Variants in SGIP1 observed in about 807,000 individuals in gnomAD.
SGIP1 encodes the protein SH3GL interacting endocytic adaptor 1.
In SGIP1, 38 loss-of-function variants were observed where a neutral mutation model predicts 107.5. The observed-to-expected ratio is 0.35, with a 90% CI of 0.27 to 0.46. The LOEUF (loss-of-function observed/expected upper bound fraction) is 0.46, where lower values mean the gene tolerates loss of function less well. SGIP1 is among the 20% of genes least tolerant of loss of function. The pLI is 1.00. For missense variants in SGIP1, 929 were observed against 1,019.5 expected (o/e 0.91, Z 1.21); for synonymous variants, 365 against 366.1 (o/e 1.00, Z 0.03).
chr1:66,689,356 T>G (rs1371834377), intron 16 of SGIP1, 81 bp downstream of exon 16: 1 of 1,512,666 alleles, frequency 6.6e-7, no homozygotes, highest in East Asian at 2.3e-5. Flanking sequence ...GGTCTAAGCG[T>G]TTAGAGAACT....
intron 1 of SGIP1, among the ~76,000 whole-genome samples, chr1:66,565,377 A>G (rs2059503910): frequency 6.6e-6 from 1 of 151,818 alleles, no homozygotes. Flanking sequence ...TACTCTTGGG[A>G]TGTCTTTACA....
chr1:66,536,966 G>A (rs1036291250), intron 1 of SGIP1, among the ~76,000 whole-genome samples: 1 of 152,162 alleles, frequency 6.6e-6, no homozygotes, highest in Non-Finnish European at 1.5e-5. Context: ...TCAGCAGAAT[G>A]GGTCATAGTA....
intron 8 of SGIP1, among the ~76,000 whole-genome samples, chr1:66,662,192 G>C (rs769700143): frequency 1.1e-4 from 16 of 152,160 alleles, no homozygotes; most frequent in Admixed American, 5.9e-4. Flanking sequence ...AATAAATGTA[G>C]TGATCATATA....
At chr1:66,714,049 C>A (rs2093082869) in intron 18 of SGIP1, among the ~76,000 whole-genome samples, 1 of 152,244 alleles carries the variant, frequency 6.6e-6, no homozygotes, top group East Asian at 1.9e-4. Flanking sequence ...TCTAATTCAA[C>A]AACCTCAGTA....
At chr1:66,685,919 T>C (rs2088099235) in intron 15 of SGIP1, among the ~76,000 whole-genome samples, 3 of 152,206 alleles carry the variant, frequency 2.0e-5, no homozygotes, top group Admixed American at 6.5e-5. Context: ...AAGAGAAACA[T>C]AGCATACAAT....
intron 1 of SGIP1, among the ~76,000 whole-genome samples, chr1:66,615,283 C>T (rs756855499): frequency 3.0e-4 from 45 of 151,962 alleles, no homozygotes; most frequent in Non-Finnish European, 5.9e-4. Context: ...TACAGGCATG[C>T]GCCCTACTCC....
At position 66,682,179 on chromosome 1, in the gene SGIP1, T is replaced by G; in HGVS notation, c.1125T>G (p.Asn375Lys). 1.9e-6 allele frequency: 3 copies of G among 1,614,216 alleles called. No individual in the cohort carries two copies. The highest frequency in any genetic ancestry group is 2.5e-6 in the Non-Finnish European group (3 of 1,180,044). ...GPPRNVLSPL[N>K]LEEVQKKVAE... The stretch of plus-strand genomic sequence containing the variant: ...CTCGCAATGTACTATCGCCGCTCAA[T>G]TTAGAAGAAGTCCAGAAGAAAGTCG... The change falls in exon 15 of 25, where the codon AAT becomes AAG. Residue 375 changes from asparagine (N) to lysine (K), a missense_variant. Physicochemically the swap from Asn to Lys is moderately conservative, Grantham distance 94. Around this residue, in one of 2 missense-constraint regions of SGIP1, gnomAD observed 588 missense variants for 588.6 expected, o/e 1.00. Coordinates refer to ENST00000371037, the MANE Select transcript of SGIP1 (RefSeq NM_032291.4).
rs534905369 is a variant in SGIP1 at position 66,609,910 on chromosome 1, G to A, written c.11-15937G>A. On this transcript the variant is annotated intron_variant, in intron 1 of 24. Coordinates refer to ENST00000371037, the MANE Select transcript of SGIP1 (RefSeq NM_032291.4). The stretch of plus-strand genomic sequence containing the variant: ...CTTTTCTGGAGATCCCATTTCTAAT[G>A]ATATCTTATTCTGGGCTTTTTTTTC... Among the ~76,000 whole-genome samples the A allele has an allele frequency of 4.6e-5, 7 of 152,276 alleles. No homozygotes were observed. In the South Asian group the frequency reaches 1.2e-3, roughly 27 times the overall value.
chr1:66,559,556 T>C (rs1168090446), intron 1 of SGIP1, among the ~76,000 whole-genome samples: 1 of 152,072 alleles, frequency 6.6e-6, no homozygotes, highest in African/African-American at 2.4e-5. Context: ...AAAAGCAAGC[T>C]TGAGGAGCAG....
intron 2 of SGIP1, among the ~76,000 whole-genome samples, chr1:66,627,223 C>T (rs962207533): frequency 3.3e-5 from 5 of 151,806 alleles, no homozygotes; most frequent in African/African-American, 1.2e-4. Flanking sequence ...TGAAAAATCT[C>T]ATATTTGGAT....
chr1:66,566,795 CA>C (rs1282668424), intron 1 of SGIP1, among the ~76,000 whole-genome samples: 1 of 151,940 alleles, frequency 6.6e-6, no homozygotes, highest in Non-Finnish European at 1.5e-5. Flanking sequence ...CTGCACCCAT[CA>C]ACCCGTCATC....
intron 19 of SGIP1, among the ~76,000 whole-genome samples, chr1:66,728,968 G>A (rs971336468): frequency 6.6e-6 from 1 of 151,832 alleles, no homozygotes; most frequent in Non-Finnish European, 1.5e-5. Context: ...AGGAGGATGG[G>A]AGAAGAGAAA....
At chr1:66,741,866 C>G (rs972393814) in intron 24 of SGIP1, among the ~76,000 whole-genome samples, 5 of 151,788 alleles carry the variant, frequency 3.3e-5, no homozygotes, top group African/African-American at 1.2e-4. Context: ...CTCCCGGGTT[C>G]ACGCCATTCT....
At chr1:66,691,771 A>G (rs762901539) in intron 17 of SGIP1, among the ~76,000 whole-genome samples, 5 of 152,296 alleles carry the variant, frequency 3.3e-5, no homozygotes, top group Non-Finnish European at 5.9e-5. Context: ...GTAAGAGTAA[A>G]CTGTCACTCA....
At chr1:66,684,574 C>T (rs1229725455) in intron 15 of SGIP1, among the ~76,000 whole-genome samples, 2 of 152,202 alleles carry the variant, frequency 1.3e-5, no homozygotes, top group Non-Finnish European at 2.9e-5. Context: ...GACTCTCAGT[C>T]TCCTAAAAGG....
chr1:66,543,461 C>T (rs1026730042), intron 1 of SGIP1, among the ~76,000 whole-genome samples: 75 of 152,268 alleles, frequency 4.9e-4, no homozygotes, highest in Admixed American at 1.8e-3. Flanking sequence ...GATTTTTATT[C>T]TCTCTGTAAG....
chr1:66,730,555 C>T (rs1190869321), intron 20 of SGIP1, among the ~76,000 whole-genome samples: 3 of 152,180 alleles, frequency 2.0e-5, no homozygotes, highest in Non-Finnish European at 2.9e-5. Context: ...CAATTGCCTT[C>T]TCTCCCTGAA....
intron 22 of SGIP1, among the ~76,000 whole-genome samples, chr1:66,740,219 TATC>T (rs2094403900): frequency 6.6e-6 from 1 of 152,236 alleles, no homozygotes; most frequent in Non-Finnish European, 1.5e-5. Context: ...ATTGTGCCTA[TATC>T]ATCTATTATA....
chr1:66,539,985 C>T (rs552918873), intron 1 of SGIP1, among the ~76,000 whole-genome samples: 84 of 152,254 alleles, frequency 5.5e-4, no homozygotes, highest in African/African-American at 1.9e-3. Flanking sequence ...TAGCTCTTGG[C>T]ACACTATAAA....
Sources: gnomAD v4.1 joint callset for allele counts (sites outside exome capture counted in the v4.1 genomes callset) on GRCh38, gnomAD v4.1.1 for gene constraint, gnomAD v4.1.1 regional missense constraint, MANE v1.5 for transcripts, NCBI Gene and HGNC (gene_info 2026-07-23, HGNC 2026-07-21) for gene names.